Variants in TGFBRAP1 observed in about 807,000 individuals in gnomAD.
TGFBRAP1 encodes the protein transforming growth factor beta receptor associated protein 1.
Under a neutral mutation model 83.2 loss-of-function variants are expected in TGFBRAP1, and 20 were observed. That is an observed-to-expected ratio of 0.24 (90% CI 0.17 to 0.35). The LOEUF is 0.35. Among genes scored for constraint, TGFBRAP1 ranks in the 10% least tolerant of loss-of-function variants. TGFBRAP1 has a pLI of 1.00. For synonymous variants in TGFBRAP1, 415 were observed against 459.8 expected, an observed-to-expected ratio of 0.90 and a Z score of 1.25; for missense variants, 950 against 1,099.4, an observed-to-expected ratio of 0.86 and a Z score of 1.92.
the TGFBRAP1 span, among the ~76,000 whole-genome samples, chr2:105,251,536 C>T: frequency 2.0e-5 from 3 of 149,500 alleles, no homozygotes; most frequent in African/African-American, 7.4e-5. Context: ...ATCAGCCCCC[C>T]GCCTGGCCAG....
chr2:105,322,694 G>C (rs13027039), intron 1 of TGFBRAP1, among the ~76,000 whole-genome samples: 26,029 of 152,120 alleles, frequency 0.17, 2,781 homozygotes, highest in Middle Eastern at 0.23. Flanking sequence ...TATAGCTTAG[G>C]GTATGAAGCT....
chr2:105,267,447 T>C lies in TGFBRAP1; in HGVS notation c.2519A>G (p.His840Arg). The C allele has an allele frequency of 6.2e-7, 1 of 1,614,198 alleles. No individual in the cohort carries two copies. The highest frequency in any genetic ancestry group is 8.5e-7 in the Non-Finnish European group (1 of 1,180,042). The change falls in exon 12 of 12, where the codon CAC (histidine) becomes CGC (arginine). Residue 840 changes from histidine to arginine, a missense_variant. Coordinates refer to ENST00000393359, the MANE Select transcript of TGFBRAP1 (RefSeq NM_004257.6). Reference protein sequence around the residue: ...FVRYPNGGLVHTHCAASRHTN... With the variant: ...FVRYPNGGLVRTHCAASRHTN... ...GTGTCTGCTGGCGGCACAGTGGGTG[T>C]GCACAAGACCACCATTTGGGTATCT... is the stretch of plus-strand genomic sequence containing the variant.
the TGFBRAP1 span, chr2:105,249,774 T>G: frequency 1.3e-5 from 2 of 152,310 alleles, no homozygotes; most frequent in South Asian, 4.2e-4. Flanking sequence ...TGTTGAAAGG[T>G]GGAGGCTGGT....
downstream of TGFBRAP1, among the ~76,000 whole-genome samples, chr2:105,262,125 T>C (rs1676802941): frequency 6.6e-6 from 1 of 152,252 alleles, no homozygotes; most frequent in South Asian, 2.1e-4. Flanking sequence ...AGAAGGGAAC[T>C]CAGATACTGC....
chr2:105,276,917 C>T (rs533254580), intron 7 of TGFBRAP1, among the ~76,000 whole-genome samples: 1 of 152,076 alleles, frequency 6.6e-6, no homozygotes, highest in Non-Finnish European at 1.5e-5. Context: ...TGCTCTTGGC[C>T]CCTCACAAAA....
At chr2:105,319,171 G>A (rs755917801) in intron 1 of TGFBRAP1, among the ~76,000 whole-genome samples, 5 of 151,778 alleles carry the variant, frequency 3.3e-5, no homozygotes, top group Non-Finnish European at 7.4e-5. Flanking sequence ...AGCGATTCTC[G>A]TGCCTCAGCC....
rs1278075967 is a variant in TGFBRAP1, at chr2:105,269,014, GC to G, written c.2406+257del. ...GGTAAGCGCCTGATATTCTGATGCT[GC>G]TCTCCTCCCTACAGACTCTCTTAAT... On this transcript the variant is annotated intron_variant, in intron 11 of 11. Coordinates refer to ENST00000393359, the MANE Select transcript of TGFBRAP1 (RefSeq NM_004257.6). This position sits in a 1 kb window ranked among gnomAD's most constrained non-coding sequence, Gnocchi z 4.1. Among the ~76,000 whole-genome samples, 1 of 152,198 alleles carries G rather than the reference GC, an allele frequency of 6.6e-6. No homozygotes were observed. The highest frequency in any genetic ancestry group is 2.4e-5 in the African/African-American group (1 of 41,436).
Position 105,296,375 on chromosome 2 carries a change from A to G in TGFBRAP1, c.1019T>C (p.Ile340Thr). The G allele has an allele frequency of 6.2e-7, 1 of 1,613,724 alleles. No homozygotes were observed. The highest frequency in any genetic ancestry group is 1.1e-5 in the South Asian group (1 of 90,972). ...LVLAKGARRN[I>T]PKEKFQVMYR... ...ACAAACCTGAAATTTTTCCTTTGGA[A>G]TGTTCCTCCGGGCTCCTTTTGCTAA... Residue 340 changes from isoleucine (I) to threonine (T), a missense_variant, in exon 4 of 12, where the codon ATT (isoleucine) becomes ACT (threonine). By Grantham distance (89) the Ile-to-Thr change is moderately conservative. Transcript: ENST00000393359.
chr2:105,281,966 A>G (rs2104339333), intron 5 of TGFBRAP1, among the ~76,000 whole-genome samples: 1 of 152,276 alleles, frequency 6.6e-6, no homozygotes, highest in East Asian at 1.9e-4. Flanking sequence ...CCCCTGCCCA[A>G]AGAATTATCT....
chr2:105,301,846 C>T (rs1678305619), intron 2 of TGFBRAP1, among the ~76,000 whole-genome samples: 1 of 152,136 alleles, frequency 6.6e-6, no homozygotes. Context: ...TCAAGCGGTC[C>T]TCCTGCCTCA....
At chr2:105,314,021 T>C (rs1219580023) in intron 1 of TGFBRAP1, among the ~76,000 whole-genome samples, 2 of 152,016 alleles carry the variant, frequency 1.3e-5, no homozygotes, top group East Asian at 1.9e-4. Flanking sequence ...ATCAGAGTCA[T>C]TTAGGGTGAG....
the TGFBRAP1 span, among the ~76,000 whole-genome samples, chr2:105,251,960 G>A: frequency 1.3e-5 from 2 of 149,464 alleles, no homozygotes; most frequent in African/African-American, 4.9e-5. Flanking sequence ...CTCGTTAAGA[G>A]TCATCACCAC....
chr2:105,258,057 T>A, the TGFBRAP1 span, among the ~76,000 whole-genome samples: 2 of 152,254 alleles, frequency 1.3e-5, no homozygotes, highest in Non-Finnish European at 2.9e-5. Context: ...CAGTTCTTGA[T>A]GAGTCCCTCA....
chr2:105,322,691 T>C (rs1446625964), intron 1 of TGFBRAP1, among the ~76,000 whole-genome samples: 2 of 152,122 alleles, frequency 1.3e-5, no homozygotes, highest in African/African-American at 4.8e-5. Flanking sequence ...CCATATAGCT[T>C]AGGGTATGAA....
intron 4 of TGFBRAP1, among the ~76,000 whole-genome samples, chr2:105,293,820 C>G (rs1319290251): frequency 1.3e-5 from 2 of 152,122 alleles, no homozygotes; most frequent in East Asian, 3.9e-4. Context: ...TTCATTCTTT[C>G]CTTGGTATTA....
intron 4 of TGFBRAP1, among the ~76,000 whole-genome samples, chr2:105,291,646 T>C (rs567058322): frequency 1.3e-5 from 2 of 152,206 alleles, no homozygotes; most frequent in Non-Finnish European, 2.9e-5. Context: ...GAGGACATTA[T>C]GCTAAGAGAA....
At chr2:105,297,584 A>C (rs72943064) in intron 3 of TGFBRAP1, among the ~76,000 whole-genome samples, 137 of 152,386 alleles carry the variant, frequency 9.0e-4, no homozygotes, top group African/African-American at 2.7e-3. Context: ...AAAACCCTTA[A>C]GTGGCAAATG....
intron 10 of TGFBRAP1, among the ~76,000 whole-genome samples, chr2:105,270,705 G>T (rs189125171): frequency 6.6e-6 from 1 of 152,322 alleles, no homozygotes; most frequent in African/African-American, 2.4e-5. Flanking sequence ...ATCCCTTATA[G>T]CACTAGACAC....
At chr2:105,321,009 A>C (rs892932510) in intron 1 of TGFBRAP1, among the ~76,000 whole-genome samples, 9 of 152,356 alleles carry the variant, frequency 5.9e-5, no homozygotes, top group African/African-American at 2.2e-4. Context: ...GGGCAGCCTC[A>C]GAATGGGCTC....
Sources: gnomAD v4.1 joint callset for allele counts (sites outside exome capture counted in the v4.1 genomes callset) on GRCh38, gnomAD v4.1.1 for gene constraint, Gnocchi (gnomAD v3.1) non-coding constraint, MANE v1.5 for transcripts, NCBI Gene and HGNC (gene_info 2026-07-23, HGNC 2026-07-21) for gene names.